Variants in DMD observed in about 807,000 individuals in gnomAD.
DMD encodes mutant dystrophin.
DMD carries 63 observed loss-of-function variants against 330.1 expected under a neutral mutation model. The ratio of observed to expected loss-of-function variants is 0.19; its 90% CI spans 0.16 to 0.24. DMD has a LOEUF of 0.24. Ranked by LOEUF, DMD falls within the 10% of genes least tolerant of loss-of-function variation. The probability of loss-of-function intolerance (pLI) is 1.00; values close to 1 mark genes in which losing one functional copy is unlikely to be tolerated. For synonymous variants in DMD, 1,223 were observed against 959.8 expected, an observed-to-expected ratio of 1.27 and a Z score of -5.07; for missense variants, 3,344 against 2,684.1, an observed-to-expected ratio of 1.25 and a Z score of -5.43.
chrX:31,248,261 T>C (rs772641561), intron 63 of DMD, among the ~76,000 whole-genome samples: 2 of 112,720 alleles, frequency 1.8e-5, no homozygotes, highest in East Asian at 5.6e-4. Flanking sequence ...TACTTTATTG[T>C]GATATTTGCT....
At chrX:32,562,416 T>G (rs1022195309) in intron 16 of DMD, among the ~76,000 whole-genome samples, 1 of 112,595 alleles carries the variant, frequency 8.9e-6, no homozygotes, top group African/African-American at 3.2e-5. Flanking sequence ...AGCTCTGACC[T>G]GAACAGCAAT....
chrX:31,942,743 T>C (rs2095023818), intron 45 of DMD, among the ~76,000 whole-genome samples: 1 of 112,252 alleles, frequency 8.9e-6, no homozygotes, highest in African/African-American at 3.2e-5. Context: ...AATACTGTAA[T>C]TTCCCATGTT....
At chrX:32,178,997 C>G (rs1007676424) in intron 44 of DMD, among the ~76,000 whole-genome samples, 20 of 104,381 alleles carry the variant, frequency 1.9e-4, no homozygotes, top group African/African-American at 5.9e-4. Flanking sequence ...TCCTCCTGCT[C>G]CTCCTCCTCC....
intron 44 of DMD, among the ~76,000 whole-genome samples, chrX:32,141,989 T>C (rs190671858): frequency 4.3e-4 from 48 of 111,827 alleles, no homozygotes; most frequent in Middle Eastern, 4.6e-3. Flanking sequence ...ACGGGGGATA[T>C]GCTGATGCAA....
chrX:32,437,190 A>G (rs1311007444), intron 29 of DMD, among the ~76,000 whole-genome samples: 1 of 112,075 alleles, frequency 8.9e-6, no homozygotes, highest in Non-Finnish European at 1.9e-5. Context: ...AGGACCAGAG[A>G]TTGTTTGGAA....
chrX:31,878,740 C>A (rs1050975419), intron 47 of DMD, among the ~76,000 whole-genome samples: 1 of 112,014 alleles, frequency 8.9e-6, no homozygotes, highest in East Asian at 2.8e-4. Context: ...AAAGAAAATA[C>A]AAAGGATTTT....
chrX:33,295,480 C>T (rs1363576526), intron 1 of DMD, among the ~76,000 whole-genome samples: 1 of 110,378 alleles, frequency 9.1e-6, no homozygotes, highest in African/African-American at 3.3e-5. Flanking sequence ...TAGAGAGATA[C>T]AGACATAAGT....
chrX:31,258,767 A>T (rs951465050), intron 63 of DMD, among the ~76,000 whole-genome samples: 3 of 112,077 alleles, frequency 2.7e-5, no homozygotes, highest in African/African-American at 9.7e-5. Flanking sequence ...AATTTTAGAA[A>T]TATAATGATT....
intron 44 of DMD, among the ~76,000 whole-genome samples, chrX:32,092,808 G>A (rs995629967): frequency 1.1e-4 from 10 of 91,221 alleles, no homozygotes; most frequent in African/African-American, 4.3e-4. Flanking sequence ...AGTGCCTTTG[G>A]TCTTTAGAGA....
intron 2 of DMD, among the ~76,000 whole-genome samples, chrX:32,876,267 T>G (rs1603451801): frequency 8.9e-6 from 1 of 112,186 alleles, no homozygotes; most frequent in African/African-American, 3.2e-5. Context: ...CTGATATCCC[T>G]GTTGTCTCTA....
At chrX:31,584,672 T>C (rs371904281) in intron 55 of DMD, among the ~76,000 whole-genome samples, 4 of 111,625 alleles carry the variant, frequency 3.6e-5, no homozygotes, top group African/African-American at 1.3e-4. Flanking sequence ...GGAACACATA[T>C]GGAGCTGTGC....
intron 1 of DMD, among the ~76,000 whole-genome samples, chrX:33,150,382 C>T (rs1231642285): frequency 8.6e-5 from 9 of 104,199 alleles, no homozygotes; most frequent in African/African-American, 2.5e-4. Flanking sequence ...GCAACCTCTG[C>T]CTTCAGTTTC....
intron 50 of DMD, among the ~76,000 whole-genome samples, chrX:31,789,166 T>G (rs1482438837): frequency 6.3e-5 from 7 of 111,837 alleles, no homozygotes; most frequent in Non-Finnish European, 1.3e-4. Flanking sequence ...TATGCCTTTT[T>G]TTGTTGTCTT....
intron 48 of DMD, among the ~76,000 whole-genome samples, chrX:31,845,355 G>A (rs1326793439): frequency 2.0e-5 from 2 of 98,807 alleles, no homozygotes; most frequent in African/African-American, 7.3e-5. Flanking sequence ...TCATTCAGGT[G>A]TTATAGAGGA....
At position 32,033,599 on chromosome X, in the gene DMD, C is replaced by CAGAA. The variant is rs1247931001; in HGVS notation, c.6439-65086_6439-65085insTTCT. ...TATTTAAAAAAACAAGACAGACAGA[C>CAGAA]AGACAGAAAGAAAGAAAGAAAGAAA... On this transcript the variant is annotated intron_variant, in intron 44 of 78. Transcript: ENST00000357033. Among the ~76,000 whole-genome samples the CAGAA allele has an allele frequency of 9.0e-3, 298 of 32,985 alleles. 4 individuals carry two copies. Among genetic ancestry groups the CAGAA allele is most frequent in the Non-Finnish European group, 0.013 (239 of 18,596 alleles). The allele number at this position is 32,985 out of a possible 115,157, so 28.6% of individuals were successfully genotyped here. A position where few individuals can be genotyped will look rare whatever the true frequency, so the allele number is the denominator to read the frequency against.
intron 56 of DMD, among the ~76,000 whole-genome samples, chrX:31,506,121 T>C (rs906111037): frequency 1.8e-5 from 2 of 112,372 alleles, no homozygotes; most frequent in African/African-American, 3.2e-5. Context: ...GCGTGGTATG[T>C]AGGTACATCA....
chrX:31,328,559 T>C (rs1276250997), intron 61 of DMD, among the ~76,000 whole-genome samples: 1 of 111,097 alleles, frequency 9.0e-6, no homozygotes, highest in Non-Finnish European at 1.9e-5. Flanking sequence ...GAGAGGGAGC[T>C]GGATATAGCA....
chrX:32,472,968 T>C (rs993800832), intron 21 of DMD, among the ~76,000 whole-genome samples: 1 of 111,056 alleles, frequency 9.0e-6, no homozygotes, highest in Non-Finnish European at 1.9e-5. Context: ...TATATACTTT[T>C]ATATGTATAA....
intron 16 of DMD, among the ~76,000 whole-genome samples, chrX:32,550,300 A>G (rs982722203): frequency 3.6e-5 from 4 of 112,270 alleles, no homozygotes; most frequent in Non-Finnish European, 7.5e-5. Context: ...CTTGGACCAC[A>G]GTGCAATAAA....
Sources: allele counts gnomAD v4.1 joint callset (sites outside exome capture counted in the v4.1 genomes callset), GRCh38; gene constraint gnomAD v4.1.1; transcripts MANE v1.5; gene names NCBI Gene and HGNC (gene_info 2026-07-23, HGNC 2026-07-21).